TPCN1: variants seen among roughly 807,000 people sequenced by gnomAD.
The protein encoded by TPCN1 is two pore channel protein 1.
Under a neutral mutation model 108.8 loss-of-function variants are expected in TPCN1, and 52 were observed. The observed-to-expected ratio is 0.48, with a 90% CI of 0.38 to 0.60. TPCN1 has a LOEUF of 0.60. TPCN1 is among the 20% of genes least tolerant of loss of function. The pLI is 0.00. For missense variants in TPCN1, 806 were observed against 1,072.8 expected, an observed-to-expected ratio of 0.75 and a Z score of 3.47; for synonymous variants, 446 against 433.7, an observed-to-expected ratio of 1.03 and a Z score of -0.35.
chr12:113,248,795 T>C (rs897976209), intron 2 of TPCN1, among the ~76,000 whole-genome samples: 5 of 152,128 alleles, frequency 3.3e-5, no homozygotes, highest in African/African-American at 4.8e-5. Context: ...ATTTTTGTTA[T>C]ATTAAACAAA....
At position 113,291,560 on chromosome 12, in the gene TPCN1, C is replaced by A. The variant is rs377280681; in HGVS notation, c.1960-49C>A. ...ATGGAGCAGCCTGTGTAGACGGGGA[C>A]CTGCCCTGCATGGGCACCCCCTCAC... On this transcript the variant is annotated intron_variant, in intron 23 of 27. Transcript: ENST00000335509. 7.5e-5 allele frequency: 116 copies of A among 1,539,532 alleles called. No individual in the cohort carries two copies. In the African/African-American group the frequency reaches 1.5e-3, roughly 20 times the overall value.
At chr12:113,267,156 A>C (rs1489521709) in intron 4 of TPCN1, among the ~76,000 whole-genome samples, 2 of 152,010 alleles carry the variant, frequency 1.3e-5, no homozygotes, top group Non-Finnish European at 2.9e-5. Context: ...GAAGCACTTG[A>C]CTTCCCTGCT....
Position 113,284,867 on chromosome 12 carries a change from A to G in TPCN1, c.1453+96A>G. ...GAACCTCATGGTTCTTCTCTAAAAC[A>G]GGAAGCTATAAAGAGACGGAGTAAT... is the stretch of plus-strand genomic sequence containing the variant. On this transcript the variant is annotated intron_variant, in intron 17 of 27. Coordinates refer to ENST00000335509, the MANE Select transcript of TPCN1 (RefSeq NM_017901.6). This position sits in a 1 kb window ranked among gnomAD's most constrained non-coding sequence, Gnocchi z 4.1. The G allele has an allele frequency of 2.2e-6, 3 of 1,366,944 alleles. No homozygotes were observed. 84.7% of individuals were successfully genotyped at this position (1,366,944 alleles called of 1,614,324 possible).
intron 2 of TPCN1, among the ~76,000 whole-genome samples, chr12:113,258,858 G>A (rs1270509238): frequency 1.3e-5 from 2 of 152,168 alleles, no homozygotes; most frequent in Admixed American, 6.5e-5. Flanking sequence ...TTCAAGATCA[G>A]AAGGACCTTT....
chr12:113,268,595 T>C lies in TPCN1; in HGVS notation c.529-147T>C. 2.2e-6 allele frequency: 2 copies of C among 921,892 alleles called. No individual in the cohort carries two copies. Among genetic ancestry groups the C allele is most frequent in the Non-Finnish European group, 3.2e-6 (2 of 631,348 alleles). 57.1% of individuals were successfully genotyped at this position (921,892 alleles called of 1,614,324 possible). A position where few individuals can be genotyped will look rare whatever the true frequency, so the allele number is the denominator to read the frequency against. ...TTTTTTTTCTTCTGGGGCTGCCTGA[T>C]GTTGGCAGGAAGTGTGAGAGGGCTG... On this transcript the variant is annotated intron_variant, in intron 5 of 27. Coordinates refer to ENST00000335509, the MANE Select transcript of TPCN1 (RefSeq NM_017901.6). The surrounding 1 kb of genome is among the most constrained non-coding windows in gnomAD (Gnocchi z 7.3).
At chr12:113,229,993 T>C (rs1430989193) in intron 2 of TPCN1, among the ~76,000 whole-genome samples, 1 of 152,224 alleles carries the variant, frequency 6.6e-6, no homozygotes, top group African/African-American at 2.4e-5. Flanking sequence ...TTTAGTTCGG[T>C]GAATCCCCTG....
chr12:113,280,272 G>T (rs1489104132), intron 15 of TPCN1, 77 bp downstream of exon 15: 3 of 1,263,100 alleles, frequency 2.4e-6, no homozygotes, highest in Non-Finnish European at 2.3e-6. Flanking sequence ...AGAGGCAAGA[G>T]ATTGGTCCTA....
At chr12:113,282,794 T>C (rs571371704) in intron 15 of TPCN1, among the ~76,000 whole-genome samples, 3 of 150,898 alleles carry the variant, frequency 2.0e-5, no homozygotes, top group African/African-American at 2.4e-5. Context: ...TTCATAATTA[T>C]GTAAATTAGG....
intron 2 of TPCN1, among the ~76,000 whole-genome samples, chr12:113,254,331 G>A (rs1954759378): frequency 2.0e-5 from 3 of 152,142 alleles, no homozygotes; most frequent in Non-Finnish European, 2.9e-5. Context: ...ATTTTATGAG[G>A]CCAGCATTAC....
chr12:113,270,523 C>G (rs1187777722), intron 7 of TPCN1, among the ~76,000 whole-genome samples: 1 of 151,898 alleles, frequency 6.6e-6, no homozygotes, highest in Non-Finnish European at 1.5e-5. Flanking sequence ...CCCTGTCACC[C>G]AGGCTGGAGT....
intron 1 of TPCN1, among the ~76,000 whole-genome samples, chr12:113,226,334 G>T (rs1336288260): frequency 6.6e-6 from 1 of 152,036 alleles, no homozygotes; most frequent in Non-Finnish European, 1.5e-5. Context: ...AAGCTGGAGT[G>T]CAGTGGCATG....
rs754690716 is a variant in TPCN1 at position 113,278,729 on chromosome 12, C to T, written c.1234-43C>T. 82 of 1,574,958 alleles carry T rather than the reference C, an allele frequency of 5.2e-5. 2 individuals are homozygous for T. In the South Asian group the frequency reaches 9.0e-4, roughly 17 times the overall value. ...TCCTGGCTCCAGGCAGGGCCCTGGT[C>T]CCTGGCCCTGACACCCTCCCTCTTG... On this transcript the variant is annotated intron_variant, in intron 13 of 27. Transcript: ENST00000335509.
At chr12:113,248,621 C>T (rs952023387) in intron 2 of TPCN1, among the ~76,000 whole-genome samples, 1 of 152,150 alleles carries the variant, frequency 6.6e-6, no homozygotes, top group Non-Finnish European at 1.5e-5. Flanking sequence ...GTTCCAGGCA[C>T]GTTTCAGAAC....
intron 2 of TPCN1, among the ~76,000 whole-genome samples, chr12:113,238,627 C>T (rs1418180882): frequency 6.6e-6 from 1 of 152,208 alleles, no homozygotes. Context: ...GCCTTGAGAG[C>T]CTTCCCTAAC....
chr12:113,247,813 G>A (rs1468198288), intron 2 of TPCN1, among the ~76,000 whole-genome samples: 1 of 152,214 alleles, frequency 6.6e-6, no homozygotes, highest in African/African-American at 2.4e-5. Flanking sequence ...AGTGGCCAGT[G>A]TCACCCCAGG....
intron 2 of TPCN1, among the ~76,000 whole-genome samples, chr12:113,239,996 G>A (rs528408448): frequency 2.8e-4 from 43 of 152,110 alleles, no homozygotes; most frequent in African/African-American, 6.5e-4. Flanking sequence ...GGTGGTCGTC[G>A]ACAAGCATGA....
chr12:113,260,539 G>A (rs867480593), intron 3 of TPCN1, 47 bp downstream of exon 3: 1 of 1,542,836 alleles, frequency 6.5e-7, no homozygotes, highest in Middle Eastern at 2.2e-4. Context: ...ACCTGTTGGT[G>A]GGGTGGGGCA....
intron 11 of TPCN1, 75 bp downstream of exon 11, chr12:113,277,110 C>G: frequency 3.1e-6 from 5 of 1,595,162 alleles, no homozygotes; most frequent in Non-Finnish European, 4.3e-6. Context: ...TAAGCATGGC[C>G]AGGCCAGCCA....
At chr12:113,294,622 G>A in intron 27 of TPCN1, among the ~76,000 whole-genome samples, 1 of 136,126 alleles carries the variant, frequency 7.3e-6, no homozygotes, top group Non-Finnish European at 1.5e-5. Flanking sequence ...GCTAGACTCT[G>A]TCTCAAAAAA....
Sources: allele counts gnomAD v4.1 joint callset (sites outside exome capture counted in the v4.1 genomes callset), GRCh38; gene constraint gnomAD v4.1.1; non-coding constraint Gnocchi (gnomAD v3.1); transcripts MANE v1.5; gene names NCBI Gene and HGNC (gene_info 2026-07-23, HGNC 2026-07-21).